CNTNAP2: variants seen among roughly 807,000 people sequenced by gnomAD.
CNTNAP2 encodes contactin associated protein 2.
Under a neutral mutation model 155.2 loss-of-function variants are expected in CNTNAP2, and 98 were observed. The ratio of observed to expected loss-of-function variants is 0.63; its 90% CI spans 0.54 to 0.75. CNTNAP2 has a LOEUF of 0.75. Among genes scored for constraint, CNTNAP2 ranks in the 30% least tolerant of loss-of-function variants. The pLI, the probability that CNTNAP2 is intolerant of heterozygous loss-of-function variation, is 0.00. For synonymous variants in CNTNAP2, 651 were observed against 631.2 expected (o/e 1.03, Z -0.47); for missense variants, 1,727 against 1,688.1 (o/e 1.02, Z -0.40).
chr7:146,964,489 C>A (rs190912530), intron 3 of CNTNAP2, among the ~76,000 whole-genome samples: 77 of 152,232 alleles, frequency 5.1e-4, no homozygotes, highest in African/African-American at 1.7e-3. Context: ...TTGTTAGCTG[C>A]AGTGTTGGAT....
intron 1 of CNTNAP2, among the ~76,000 whole-genome samples, chr7:146,702,813 C>G (rs1451409550): frequency 6.6e-6 from 1 of 152,098 alleles, no homozygotes; most frequent in African/African-American, 2.4e-5. Flanking sequence ...CTTTCAGATG[C>G]TTGCTCTAAC....
chr7:146,583,395 G>GA (rs1415318708), intron 1 of CNTNAP2, among the ~76,000 whole-genome samples: 1 of 152,070 alleles, frequency 6.6e-6, no homozygotes, highest in Admixed American at 6.5e-5. Context: ...CCCAGTGAGG[G>GA]AAAACCTGAG....
intron 1 of CNTNAP2, among the ~76,000 whole-genome samples, chr7:146,453,645 A>G (rs2129122843): frequency 6.6e-6 from 1 of 152,344 alleles, no homozygotes; most frequent in African/African-American, 2.4e-5. Context: ...CAAAGTAGTA[A>G]ACAAGAACAT....
At chr7:146,784,973 C>CTT (rs11301712) in intron 2 of CNTNAP2, among the ~76,000 whole-genome samples, 13 of 141,710 alleles carry the variant, frequency 9.2e-5, no homozygotes, top group Admixed American at 4.3e-4. Flanking sequence ...TATCCCTTTG[C>CTT]TTTTTTTTTT....
intron 15 of CNTNAP2, among the ~76,000 whole-genome samples, chr7:148,093,485 A>G (rs567195050): frequency 6.6e-6 from 1 of 152,372 alleles, no homozygotes; most frequent in South Asian, 2.1e-4. Context: ...TCTATTTACA[A>G]TGGGAAGAGC....
chr7:147,727,250 A>G (rs147837953), intron 13 of CNTNAP2, among the ~76,000 whole-genome samples: 2 of 152,042 alleles, frequency 1.3e-5, no homozygotes, highest in African/African-American at 4.8e-5. Flanking sequence ...GGCACTTAGT[A>G]GGTATTACAT....
intron 12 of CNTNAP2, among the ~76,000 whole-genome samples, chr7:147,593,879 A>G (rs1382154350): frequency 6.6e-6 from 1 of 152,208 alleles, no homozygotes; most frequent in Non-Finnish European, 1.5e-5. Context: ...AATTGTTGAC[A>G]TTTAGTGAAG....
chr7:148,383,989 T>G, intron 22 of CNTNAP2, 101 bp downstream of exon 22: 1 of 1,484,570 alleles, frequency 6.7e-7, no homozygotes, highest in South Asian at 1.2e-5. Context: ...ACTGGTAATG[T>G]CATTGGAGGA....
At chr7:148,229,882 G>T in intron 20 of CNTNAP2, 103 bp downstream of exon 20, 1 of 1,362,590 alleles carries the variant, frequency 7.3e-7, no homozygotes. Context: ...AGAAGTAGAA[G>T]AGATGCTTTT....
intron 11 of CNTNAP2, among the ~76,000 whole-genome samples, chr7:147,559,062 G>C (rs889664553): frequency 1.3e-5 from 2 of 151,980 alleles, no homozygotes; most frequent in Non-Finnish European, 1.5e-5. Context: ...TGTCTGTAGA[G>C]ATGGGGTCTC....
chr7:147,453,169 TA>T (rs1797862356), intron 10 of CNTNAP2, among the ~76,000 whole-genome samples: 1 of 152,158 alleles, frequency 6.6e-6, no homozygotes, highest in South Asian at 2.1e-4. Context: ...TTTGTTGTCT[TA>T]AGCATGCCAT....
At chr7:147,213,632 T>C (rs1247619063) in intron 8 of CNTNAP2, among the ~76,000 whole-genome samples, 1 of 151,988 alleles carries the variant, frequency 6.6e-6, no homozygotes, top group East Asian at 1.9e-4. Context: ...CAAAAAGATA[T>C]ATGTGAATAC....
intron 11 of CNTNAP2, among the ~76,000 whole-genome samples, chr7:147,500,895 CATTACCCTG>C (rs1188939008): frequency 6.6e-6 from 1 of 152,048 alleles, no homozygotes; most frequent in Non-Finnish European, 1.5e-5. Flanking sequence ...ATGAGTCCAG[CATTACCCTG>C]ATACTGAATC....
At chr7:147,884,246 G>C (rs1195646609) in intron 13 of CNTNAP2, among the ~76,000 whole-genome samples, 1 of 152,174 alleles carries the variant, frequency 6.6e-6, no homozygotes, top group East Asian at 1.9e-4. Context: ...AACAATGAAA[G>C]AGGTCAGTGA....
chr7:148,139,086 A>G (rs1240642213), intron 16 of CNTNAP2, among the ~76,000 whole-genome samples: 2 of 152,234 alleles, frequency 1.3e-5, no homozygotes, highest in Admixed American at 1.3e-4. Context: ...AAAGGCCAAA[A>G]TACATAAAGA....
chr7:147,038,832 G>A (rs1432836852), intron 3 of CNTNAP2, among the ~76,000 whole-genome samples: 1 of 152,126 alleles, frequency 6.6e-6, no homozygotes, highest in Non-Finnish European at 1.5e-5. Context: ...TGCTTTCATT[G>A]TTAAAAATTA....
At chr7:147,799,533 T>C (rs758775643) in intron 13 of CNTNAP2, among the ~76,000 whole-genome samples, 50 of 152,068 alleles carry the variant, frequency 3.3e-4, no homozygotes, top group South Asian at 1.0e-3. Context: ...ATTGTAAAAA[T>C]GTATATTAAA....
intron 13 of CNTNAP2, among the ~76,000 whole-genome samples, chr7:147,862,970 G>A (rs775902185): frequency 3.3e-5 from 5 of 151,892 alleles, no homozygotes; most frequent in Non-Finnish European, 5.9e-5. Context: ...TAGGGTACAT[G>A]TTCACAACGT....
At chr7:147,769,791 C>T (rs1797440613) in intron 13 of CNTNAP2, among the ~76,000 whole-genome samples, 1 of 152,036 alleles carries the variant, frequency 6.6e-6, no homozygotes, top group Non-Finnish European at 1.5e-5. Flanking sequence ...TAGACTAACA[C>T]TGGGAGAGTA....
Sources: gnomAD v4.1 joint callset for allele counts (sites outside exome capture counted in the v4.1 genomes callset) on GRCh38, gnomAD v4.1.1 for gene constraint, MANE v1.5 for transcripts, NCBI Gene and HGNC (gene_info 2026-07-23, HGNC 2026-07-21) for gene names.